STON2: variants seen among roughly 807,000 people sequenced by gnomAD.
The protein encoded by STON2 is stonin-2.
In STON2, 29 loss-of-function variants were observed where a neutral mutation model predicts 65.7. That is an observed-to-expected ratio of 0.44 (90% confidence interval 0.33 to 0.60). STON2 has a LOEUF of 0.60. STON2 is among the 20% of genes least tolerant of loss of function. The pLI is 0.03. For synonymous variants in STON2, 404 were observed against 414.2 expected (o/e 0.98, Z 0.30); for missense variants, 1,054 against 1,118.1 (o/e 0.94, Z 0.82).
chr14:81,373,554 AGAGGCC>A (rs1899103504), intron 3 of STON2, among the ~76,000 whole-genome samples: 1 of 152,218 alleles, frequency 6.6e-6, no homozygotes, highest in African/African-American at 2.4e-5. Flanking sequence ...AAGAATCATC[AGAGGCC>A]GAGTGAAAGC....
Position 81,398,428 on chromosome 14 carries a change from C to A in STON2, c.-46G>T. On this transcript the variant is annotated 5_prime_UTR_variant, in exon 2 of 8. Transcript: ENST00000614646. ...CTTCACACTGCTGACCTCAGGTGAA[C>A]CCCAGAATACTGTCTGGGGTGGGCT... is the stretch of plus-strand genomic sequence containing the variant. The A allele has an allele frequency of 1.3e-6, 2 of 1,486,082 alleles. No individual in the cohort carries two copies. The highest frequency in any genetic ancestry group is 1.9e-6 in the Non-Finnish European group (2 of 1,064,234). The allele number at this position is 1,486,082 out of a possible 1,614,324, so 92.1% of individuals were successfully genotyped here. A position where few individuals can be genotyped will look rare whatever the true frequency, so the allele number is the denominator to read the frequency against.
intron 5 of STON2, among the ~76,000 whole-genome samples, chr14:81,280,423 C>T (rs1397635297): frequency 6.6e-6 from 1 of 152,142 alleles, no homozygotes; most frequent in Non-Finnish European, 1.5e-5. Flanking sequence ...TTTAGAGTAG[C>T]TCTTCCATTC....
intron 5 of STON2, among the ~76,000 whole-genome samples, chr14:81,318,679 C>A (rs1896712792): frequency 1.3e-5 from 2 of 152,080 alleles, no homozygotes; most frequent in South Asian, 4.1e-4. Context: ...GGTAAAACCC[C>A]ATCTCTAGTG....
chr14:81,261,850 C>T lies in STON2; in HGVS notation c.*6564G>A. The T allele has an allele frequency of 6.5e-7, 1 of 1,534,104 alleles. No individual in the cohort carries two copies. Among genetic ancestry groups the T allele is most frequent in the Admixed American group, 2.0e-5 (1 of 50,190 alleles). ...GAAGCATTCCACCTGATCTTCACCA[C>T]CCTCTTTGATCCTCTTTTTAAATCT... On this transcript the variant is annotated 3_prime_UTR_variant, in exon 8 of 8. Coordinates refer to ENST00000614646, the MANE Select transcript of STON2 (RefSeq NM_001394390.1).
chr14:81,369,269 T>C (rs977972570), intron 4 of STON2, among the ~76,000 whole-genome samples: 1 of 152,146 alleles, frequency 6.6e-6, no homozygotes, highest in Non-Finnish European at 1.5e-5. Context: ...GAGGAGGTTT[T>C]CTTGATGCAA....
intron 4 of STON2, among the ~76,000 whole-genome samples, chr14:81,356,267 A>G (rs1898226461): frequency 6.6e-6 from 1 of 152,044 alleles, no homozygotes; most frequent in African/African-American, 2.4e-5. Flanking sequence ...TGAGATAATC[A>G]TGTGGTTTTT....
chr14:81,294,839 G>T (rs1021662034), intron 5 of STON2, among the ~76,000 whole-genome samples: 3 of 152,138 alleles, frequency 2.0e-5, no homozygotes, highest in Non-Finnish European at 4.4e-5. Context: ...CTAGTTCACA[G>T]GGTCGTTTGG....
chr14:81,277,352 C>T lies in STON2; in HGVS notation c.2130G>A (p.Glu710=). ...TGACCCGTGAGTTGTGGAAAACATC[C>T]TCATCCACACACCCATGGAAACGGC... ...HECRFHGCVD[E]DVFHNSRVIL... The change falls in exon 6 of 8, where the codon GAG becomes GAA. Residue 710 remains glutamate, a synonymous_variant. Coordinates refer to ENST00000614646, the MANE Select transcript of STON2 (RefSeq NM_001394390.1). The T allele has an allele frequency of 1.2e-6, 2 of 1,614,200 alleles. No homozygotes were observed. Among genetic ancestry groups the T allele is most frequent in the Non-Finnish European group, 8.5e-7 (1 of 1,180,038 alleles).
chr14:81,282,743 T>C (rs1340844363), intron 5 of STON2, among the ~76,000 whole-genome samples: 2 of 152,188 alleles, frequency 1.3e-5, no homozygotes, highest in African/African-American at 4.8e-5. Context: ...CATCTCTTTA[T>C]TATTACTACT....
intron 3 of STON2, among the ~76,000 whole-genome samples, chr14:81,374,824 A>G (rs911662315): frequency 5.3e-5 from 8 of 151,812 alleles, no homozygotes; most frequent in Admixed American, 6.5e-5. Flanking sequence ...ATTTGAAAAA[A>G]TACTGGTTGA....
intron 4 of STON2, among the ~76,000 whole-genome samples, chr14:81,345,750 G>T (rs1004380567): frequency 6.6e-6 from 1 of 151,678 alleles, no homozygotes; most frequent in Admixed American, 6.6e-5. Context: ...GACAGAGCCA[G>T]ACTTTGTCTC....
chr14:81,343,236 C>A (rs1186551354), intron 4 of STON2, among the ~76,000 whole-genome samples: 1 of 152,082 alleles, frequency 6.6e-6, no homozygotes, highest in East Asian at 1.9e-4. Flanking sequence ...GAAAAATGCC[C>A]CCCAATCCCA....
rs1894554087 is a variant in STON2 at position 81,270,837 on chromosome 14, C to A, written c.2617G>T (p.Glu873Ter). ...GGCACTTCCCGGTCAGAGCCGAGTT[C>A]AAGGTGGCAAAAGAAACAGTGTGGG... ...GHPHCFFCHLELGSDREVPSR... is the reference protein window; with the variant it reads ...GHPHCFFCHL The change falls in exon 7 of 8, where the codon GAA becomes TAA. Residue 873 changes from glutamate to a stop codon, truncating the protein, a stop_gained. Transcript: ENST00000614646. LOFTEE classifies it high-confidence loss of function. 1 of 1,613,432 alleles carries A rather than the reference C, an allele frequency of 6.2e-7. No individual in the cohort carries two copies. The highest frequency in any genetic ancestry group is 1.7e-5 in the Admixed American group (1 of 59,990).
At position 81,295,294 on chromosome 14, in the gene STON2, C is replaced by T. The variant is rs554457775; in HGVS notation, c.743-16555G>A. Among the ~76,000 whole-genome samples the T allele has an allele frequency of 1.4e-4, 21 of 152,196 alleles. No homozygotes were observed. In the South Asian group the frequency reaches 4.4e-3, roughly 32 times the overall value. ...GAGCCGAGATTGTGCCATTGCACTC[C>T]AGCCTGGGCTACACAGCAAGACTCC... is the stretch of plus-strand genomic sequence containing the variant. On this transcript the variant is annotated intron_variant, in intron 5 of 7. Transcript: ENST00000614646.
chr14:81,305,815 T>C (rs1896150337), intron 5 of STON2, among the ~76,000 whole-genome samples: 1 of 151,674 alleles, frequency 6.6e-6, no homozygotes, highest in Non-Finnish European at 1.5e-5. Flanking sequence ...ACTGGTGGGA[T>C]TGTCAGTTAA....
chr14:81,294,297 G>A (rs1250240807), intron 5 of STON2, among the ~76,000 whole-genome samples: 2 of 152,178 alleles, frequency 1.3e-5, no homozygotes, highest in African/African-American at 4.8e-5. Flanking sequence ...TAAGTTTGGA[G>A]AAAAGGAGTT....
chr14:81,424,553 C>T (rs1461477303), intron 2 of STON2, among the ~76,000 whole-genome samples: 1 of 151,490 alleles, frequency 6.6e-6, no homozygotes, highest in African/African-American at 2.4e-5. Context: ...AGTACTTCTA[C>T]AATGATATGA....
intron 4 of STON2, among the ~76,000 whole-genome samples, chr14:81,331,345 G>A (rs1381718320): frequency 1.3e-5 from 2 of 152,168 alleles, no homozygotes; most frequent in Admixed American, 1.3e-4. Context: ...CTTTACATTT[G>A]CTCTTTTAAT....
chr14:81,307,983 G>A (rs1438438369), intron 5 of STON2, among the ~76,000 whole-genome samples: 3 of 152,116 alleles, frequency 2.0e-5, no homozygotes, highest in African/African-American at 7.2e-5. Flanking sequence ...TGTTGTTCAA[G>A]GGTCAACTGT....
Sources: gnomAD v4.1 joint callset for allele counts (sites outside exome capture counted in the v4.1 genomes callset) on GRCh38, gnomAD v4.1.1 for gene constraint, MANE v1.5 for transcripts, NCBI Gene and HGNC (gene_info 2026-07-23, HGNC 2026-07-21) for gene names.